The following RGS12 variants were observed in gnomAD, a reference collection of about 807,000 sequenced individuals.
RGS12 encodes regulator of G protein signaling 12.
RGS12 carries 66 observed loss-of-function variants against 120.1 expected under a neutral mutation model. That is an observed-to-expected ratio of 0.55 (90% CI 0.45 to 0.67). The LOEUF (loss-of-function observed/expected upper bound fraction) is 0.67, where lower values mean the gene tolerates loss of function less well. Ranked by LOEUF, RGS12 falls within the 30% of genes least tolerant of loss-of-function variation. RGS12 has a pLI of 0.00. For missense variants in RGS12, 1,859 were observed against 1,957.7 expected (o/e 0.95, Z 0.95); for synonymous variants, 827 against 804.7 (o/e 1.03, Z -0.47).
At chr4:3,336,381 C>T (rs111281530) in intron 2 of RGS12, among the ~76,000 whole-genome samples, 1 of 152,220 alleles carries the variant, frequency 6.6e-6, no homozygotes, top group African/African-American at 2.4e-5. Context: ...TTTCTGTCTC[C>T]TGAGTGAACC....
At chr4:3,333,320 A>G (rs1419116891) in intron 2 of RGS12, among the ~76,000 whole-genome samples, 1 of 152,140 alleles carries the variant, frequency 6.6e-6, no homozygotes. Context: ...AAGTGCTGGG[A>G]TTACAGGCGT....
chr4:3,298,284 AG>A (rs1403406785), intron 1 of RGS12, among the ~76,000 whole-genome samples: 1 of 151,980 alleles, frequency 6.6e-6, no homozygotes, highest in Admixed American at 6.5e-5. Flanking sequence ...TTTTATTTGG[AG>A]GTTGGACCTC....
intron 17 of RGS12, among the ~76,000 whole-genome samples, chr4:3,434,678 G>A (rs73193396): frequency 0.052 from 7,989 of 152,280 alleles, 338 homozygotes; most frequent in Admixed American, 0.12. Flanking sequence ...AAAAGGTCGC[G>A]TGCACCCACA....
chr4:3,343,972 G>C (rs1190110769), intron 3 of RGS12, among the ~76,000 whole-genome samples: 1 of 152,226 alleles, frequency 6.6e-6, no homozygotes, highest in Non-Finnish European at 1.5e-5. Context: ...GACGATGATT[G>C]ATGCCTTCCG....
At chr4:3,295,336 T>A (rs2110345038) in intron 1 of RGS12, among the ~76,000 whole-genome samples, 1 of 152,222 alleles carries the variant, frequency 6.6e-6, no homozygotes, top group South Asian at 2.1e-4. Context: ...ACTTTGGACC[T>A]TTATTTTTGT....
chr4:3,364,706 A>G (rs1716117173), intron 3 of RGS12, among the ~76,000 whole-genome samples: 1 of 152,008 alleles, frequency 6.6e-6, no homozygotes, highest in African/African-American at 2.4e-5. Context: ...CTGGACTTAG[A>G]TATTTTAAGT....
chr4:3,363,547 G>A lies in RGS12; in HGVS notation c.1998+20494G>A, dbSNP rs372952909. Among the ~76,000 whole-genome samples, 41 of 151,982 alleles carry A rather than the reference G, an allele frequency of 2.7e-4. No individual in the cohort carries two copies. The East Asian group carries it at 6.2e-3, about 23-fold the overall frequency. ...AGCGGCAAGAGGCGAGACGGACAGG[G>A]GTGTGCGGGTTCTGCGTGTAGGAGA... On this transcript the variant is annotated intron_variant, in intron 3 of 17. Transcript: ENST00000336727.
chr4:3,293,020 T>C (rs2110339410), upstream of RGS12: 1 of 143,490 alleles, frequency 7.0e-6, no homozygotes, highest in South Asian at 2.5e-4. Flanking sequence ...CGGGGGGCGG[T>C]GGCTGCCGAG....
chr4:3,369,744 C>G (rs1035168443), intron 3 of RGS12: 3 of 152,866 alleles, frequency 2.0e-5, no homozygotes, highest in African/African-American at 7.2e-5. Flanking sequence ...TCATGGTTCA[C>G]TCGCTTTCTG....
intron 4 of RGS12, among the ~76,000 whole-genome samples, chr4:3,405,615 A>T (rs1177406444): frequency 6.6e-6 from 1 of 152,218 alleles, no homozygotes; most frequent in African/African-American, 2.4e-5. Flanking sequence ...CCTGATTTTG[A>T]TGTCGGTACT....
Position 3,317,300 on chromosome 4 carries a change from C to T in RGS12, c.1130C>T (p.Ala377Val), listed in dbSNP as rs148633904. 328 of 1,614,152 alleles carry T rather than the reference C, an allele frequency of 2.0e-4. 2 individuals are homozygous for T. The highest frequency in any genetic ancestry group is 1.6e-3 in the Middle Eastern group (10 of 6,062). Residue 377 changes from alanine to valine, a missense_variant, in exon 2 of 18, where the codon GCG becomes GTG. Physicochemically the swap from Ala to Val is moderately conservative, Grantham distance 64 (BLOSUM62 0). This residue lies in a region of RGS12 where 967 missense variants were observed against 994.2 expected (regional missense o/e 0.97). Coordinates refer to ENST00000336727, the MANE Select transcript of RGS12 (RefSeq NM_001394154.1). ...ACCAATGGCTGTCTGGAATTCCCGG[C>T]GTCCTCCCTCCCCGTCCTGCAGTTC... ...PDTNGCLEFPASSLPVLQFIS... is the reference protein window; with the variant it reads ...PDTNGCLEFPVSSLPVLQFIS...
At chr4:3,424,612 G>A (rs548178160) in intron 13 of RGS12, among the ~76,000 whole-genome samples, 8 of 152,380 alleles carry the variant, frequency 5.3e-5, no homozygotes, top group African/African-American at 1.7e-4. Context: ...TGGTTGGGGG[G>A]CACCAGGGTG....
intron 4 of RGS12, among the ~76,000 whole-genome samples, chr4:3,410,793 G>A (rs989447996): frequency 2.6e-5 from 4 of 152,140 alleles, no homozygotes; most frequent in African/African-American, 7.2e-5. Context: ...ACGAGTGTCC[G>A]GGGGCCTCCT....
chr4:3,392,672 C>G (rs531583352), intron 4 of RGS12, among the ~76,000 whole-genome samples: 1 of 152,156 alleles, frequency 6.6e-6, no homozygotes, highest in Non-Finnish European at 1.5e-5. Context: ...TCTACTGATT[C>G]TCTTCACGCT....
chr4:3,337,090 C>A (rs537105754), intron 2 of RGS12, among the ~76,000 whole-genome samples: 1 of 152,312 alleles, frequency 6.6e-6, no homozygotes, highest in East Asian at 1.9e-4. Context: ...TCAATGGGCA[C>A]GTGGAAAGAT....
At position 3,439,679 on chromosome 4, in the gene RGS12, G is replaced by T; in HGVS notation, c.4339G>T (p.Val1447Phe). The change falls in exon 18 of 18, where the codon GTC becomes TTC. Residue 1447 changes from valine (V) to phenylalanine (F), a missense_variant. Transcript: ENST00000336727. ...GACCAGCGCTCACCACGCCACCTTC[G>T]TCTGAGCTGCCCTGGCCTGGCCAAC... ...PKTSAHHATF[V>F] The T allele has an allele frequency of 6.6e-7, 1 of 1,524,282 alleles. No individual in the cohort carries two copies. The highest frequency in any genetic ancestry group is 8.8e-7 in the Non-Finnish European group (1 of 1,134,874). 94.4% of individuals were successfully genotyped at this position (1,524,282 alleles called of 1,614,324 possible).
intron 1 of RGS12, among the ~76,000 whole-genome samples, chr4:3,313,339 C>T (rs1724528814): frequency 6.6e-6 from 1 of 152,230 alleles, no homozygotes; most frequent in African/African-American, 2.4e-5. Context: ...GCTTCATGAC[C>T]TGCTGTCCTG....
At chr4:3,407,475 C>G (rs114807173) in intron 4 of RGS12, 2 of 152,300 alleles carry the variant, frequency 1.3e-5, no homozygotes, top group Admixed American at 6.5e-5. Flanking sequence ...CGGGCTCTGC[C>G]GGCTGACCCT....
chr4:3,415,170 G>A (rs1402215559), intron 6 of RGS12, among the ~76,000 whole-genome samples: 7 of 149,638 alleles, frequency 4.7e-5, no homozygotes, highest in Admixed American at 6.7e-5. Context: ...TGTGAGGGGC[G>A]TGTGTGATAG....
Sources: gnomAD v4.1 joint callset for allele counts (sites outside exome capture counted in the v4.1 genomes callset) on GRCh38, gnomAD v4.1.1 for gene constraint, gnomAD v4.1.1 regional missense constraint, MANE v1.5 for transcripts, NCBI Gene and HGNC (gene_info 2026-07-23, HGNC 2026-07-21) for gene names.